The following LRP1B variants were observed in gnomAD, a reference collection of about 807,000 sequenced individuals.
LRP1B encodes LDL receptor related protein 1B, also known as low-density lipoprotein receptor-related protein 1B.
Under a neutral mutation model 556.6 loss-of-function variants are expected in LRP1B, and 217 were observed. The ratio of observed to expected loss-of-function variants is 0.39; its 90% CI spans 0.35 to 0.44. LRP1B has a LOEUF of 0.44. LRP1B is among the 20% of genes least tolerant of loss of function. The probability of loss-of-function intolerance (pLI) is 1.00; values close to 1 mark genes in which losing one functional copy is unlikely to be tolerated. For synonymous variants in LRP1B, 2,047 were observed against 1,865.8 expected (o/e 1.10, Z -2.50); for missense variants, 5,053 against 5,620.8 (o/e 0.90, Z 3.23).
intron 31 of LRP1B, among the ~76,000 whole-genome samples, chr2:140,831,730 A>G (rs2105076789): frequency 6.6e-6 from 1 of 152,334 alleles, no homozygotes; most frequent in Non-Finnish European, 1.5e-5. Context: ...CAAAGAGAAG[A>G]ACAAATCTAC....
chr2:142,052,928 G>T (rs979377429), intron 1 of LRP1B, among the ~76,000 whole-genome samples: 2 of 152,124 alleles, frequency 1.3e-5, no homozygotes, highest in Admixed American at 6.6e-5. Context: ...GTGACCATCT[G>T]CTTTGTCGGC....
intron 84 of LRP1B, among the ~76,000 whole-genome samples, chr2:140,293,049 C>T (rs1683457767): frequency 6.6e-6 from 1 of 152,066 alleles, no homozygotes; most frequent in African/African-American, 2.4e-5. Flanking sequence ...ATAAGCTGTA[C>T]AGGTATACTT....
At chr2:141,121,770 C>A (rs62173717) in intron 7 of LRP1B, among the ~76,000 whole-genome samples, 8 of 142,034 alleles carry the variant, frequency 5.6e-5, no homozygotes, top group African/African-American at 2.0e-4. Flanking sequence ...TCATATGGAA[C>A]CAAAAAAGAG....
rs56835236 is a variant in LRP1B at position 140,855,493 on chromosome 2, G to GAAAAAAAAAAAAAAAAAAAAAAAA, written c.4580-3711_4580-3710insTTTTTTTTTTTTTTTTTTTTTTTT. 8.2e-4 allele frequency among the ~76,000 whole-genome samples: 81 copies of GAAAAAAAAAAAAAAAAAAAAAAAA among 99,352 alleles called. 3 individuals carry two copies. The highest frequency in any genetic ancestry group is 3.0e-3 in the African/African-American group (79 of 26,406). The allele number at this position is 99,352 out of a possible 152,430, so 65.2% of individuals were successfully genotyped here. ...GACAGGTAGGTCCCATCTCTACTGG[G>GAAAAAAAAAAAAAAAAAAAAAAAA]AAAAAAAAAAAATTTGAATGGCTTC... On this transcript the variant is annotated intron_variant, in intron 27 of 90. Transcript: ENST00000389484.
intron 7 of LRP1B, among the ~76,000 whole-genome samples, chr2:141,166,293 C>G (rs1013740762): frequency 1.3e-5 from 2 of 151,318 alleles, no homozygotes; most frequent in African/African-American, 4.9e-5. Flanking sequence ...GTTTTATTGT[C>G]TTTTCCTTTA....
At chr2:141,777,108 A>C (rs1258628504) in intron 2 of LRP1B, among the ~76,000 whole-genome samples, 1 of 152,194 alleles carries the variant, frequency 6.6e-6, no homozygotes, top group Non-Finnish European at 1.5e-5. Context: ...AAGCTGACAA[A>C]AAGACTTTGG....
chr2:141,393,760 TATG>T (rs1690141645), intron 3 of LRP1B, among the ~76,000 whole-genome samples: 1 of 152,086 alleles, frequency 6.6e-6, no homozygotes, highest in Non-Finnish European at 1.5e-5. Flanking sequence ...ACAAAGATTA[TATG>T]ATGACATCAA....
At chr2:140,370,657 AC>A in intron 71 of LRP1B, 52 bp downstream of exon 71, 1 of 1,602,958 alleles carries the variant, frequency 6.2e-7, no homozygotes, top group Non-Finnish European at 8.5e-7. Flanking sequence ...TCTGCACAGA[AC>A]CTTAACTTTC....
rs75031299 is a variant in LRP1B, at chr2:140,618,935, T to C, written c.6800-17296A>G. On this transcript the variant is annotated intron_variant, in intron 41 of 90. Transcript: ENST00000389484. ...TTGTTCGTAAAATGGGACCTCTAAT[T>C]CCTGCACTTCCCATACCTCTCTCCT... Among the ~76,000 whole-genome samples, 1,116 of 152,224 alleles carry C rather than the reference T, an allele frequency of 7.3e-3. 11 individuals are homozygous for C. The highest frequency in any genetic ancestry group is 0.025 in the African/African-American group (1,053 of 41,542).
At position 140,528,282 on chromosome 2, in the gene LRP1B, G is replaced by C. The variant is rs913512368; in HGVS notation, c.7763-1932C>G. Among the ~76,000 whole-genome samples, 3 of 151,858 alleles carry C rather than the reference G, an allele frequency of 2.0e-5. No homozygotes were observed. The Admixed American group carries it at 2.0e-4, about 10-fold the overall frequency. ...TGAGAGAAGAGTGGAAGGACATGTG[G>C]GACAAATGGAACACAGTCTTAGATT... is the stretch of plus-strand genomic sequence containing the variant. On this transcript the variant is annotated intron_variant, in intron 47 of 90. Coordinates refer to ENST00000389484, the MANE Select transcript of LRP1B (RefSeq NM_018557.3).
intron 84 of LRP1B, among the ~76,000 whole-genome samples, chr2:140,296,281 T>G (rs1389088301): frequency 4.6e-5 from 7 of 152,158 alleles, no homozygotes; most frequent in Non-Finnish European, 1.0e-4. Context: ...AATTTTGTAT[T>G]TAGACTTCTG....
chr2:140,813,197 A>T (rs7583843), intron 32 of LRP1B, among the ~76,000 whole-genome samples: 368 of 152,208 alleles, frequency 2.4e-3, no homozygotes, highest in African/African-American at 8.3e-3. Context: ...ACTCCAAAAT[A>T]CTGAAAAGAA....
At chr2:140,886,844 G>A (rs1430775365) in intron 23 of LRP1B, among the ~76,000 whole-genome samples, 1 of 152,052 alleles carries the variant, frequency 6.6e-6, no homozygotes, top group East Asian at 1.9e-4. Context: ...ACAAGATGGC[G>A]GCTTCCTGCA....
chr2:140,853,315 T>C (rs1692517508), intron 27 of LRP1B, among the ~76,000 whole-genome samples: 1 of 152,144 alleles, frequency 6.6e-6, no homozygotes, highest in African/African-American at 2.4e-5. Flanking sequence ...TTATTACCAT[T>C]AGATCATACC....
intron 42 of LRP1B, among the ~76,000 whole-genome samples, chr2:140,599,592 T>C (rs1574126877): frequency 2.0e-5 from 3 of 152,148 alleles, no homozygotes; most frequent in African/African-American, 7.2e-5. Context: ...AAAATGTTTG[T>C]ATTCAATTTT....
chr2:141,207,824 C>T (rs988563475), intron 6 of LRP1B, among the ~76,000 whole-genome samples: 8 of 152,082 alleles, frequency 5.3e-5, no homozygotes, highest in Non-Finnish European at 7.4e-5. Flanking sequence ...TACAGGCACC[C>T]GCCACCACGC....
intron 6 of LRP1B, among the ~76,000 whole-genome samples, chr2:141,221,308 A>C (rs1441323903): frequency 4.1e-5 from 6 of 147,082 alleles, no homozygotes; most frequent in African/African-American, 7.5e-5. Context: ...AAAAAAAAAA[A>C]CCAAAGGGCA....
chr2:140,409,784 AC>A (rs138680259), intron 66 of LRP1B, among the ~76,000 whole-genome samples: 6,464 of 152,092 alleles, frequency 0.043, 198 homozygotes, highest in Non-Finnish European at 0.065. Flanking sequence ...AAACTTCGGG[AC>A]CAAGACTTGA....
intron 41 of LRP1B, among the ~76,000 whole-genome samples, chr2:140,650,313 A>T (rs1313777107): frequency 0.015 from 4 of 270 alleles, no homozygotes; most frequent in Non-Finnish European, 0.036. Flanking sequence ...TTTTATTTTT[A>T]TTTATTTATT....
Sources: gnomAD v4.1 joint callset for allele counts (sites outside exome capture counted in the v4.1 genomes callset) on GRCh38, gnomAD v4.1.1 for gene constraint, MANE v1.5 for transcripts, NCBI Gene and HGNC (gene_info 2026-07-23, HGNC 2026-07-21) for gene names.